ZNF214: variants seen among roughly 807,000 people sequenced by gnomAD.
The protein encoded by ZNF214 is BWSCR2-associated zinc finger protein 1.
ZNF214 carries 43 observed loss-of-function variants against 53.9 expected under a neutral mutation model. The ratio of observed to expected loss-of-function variants is 0.80; its 90% CI spans 0.63 to 1.03. The LOEUF is 1.03. Among genes scored for constraint, ZNF214 ranks in the 50% least tolerant of loss-of-function variants. The probability of loss-of-function intolerance (pLI) is 0.00; values close to 1 mark genes in which losing one functional copy is unlikely to be tolerated. For synonymous variants in ZNF214, 217 were observed against 229.5 expected, an observed-to-expected ratio of 0.95 and a Z score of 0.49; for missense variants, 724 against 719.1, an observed-to-expected ratio of 1.01 and a Z score of -0.08.
intron 1 of ZNF214, among the ~76,000 whole-genome samples, chr11:7,005,033 C>T (rs777517309): frequency 4.6e-5 from 7 of 151,904 alleles, no homozygotes; most frequent in Admixed American, 2.0e-4. Flanking sequence ...TATTAATGGA[C>T]GTTAAGATCA....
At chr11:7,011,351 C>A (rs1382910225) in intron 1 of ZNF214, among the ~76,000 whole-genome samples, 2 of 151,866 alleles carry the variant, frequency 1.3e-5, no homozygotes, top group African/African-American at 4.8e-5. Context: ...TATAGGAATG[C>A]AAGGATCGTT....
In ZNF214 at chr11:6,998,033, T is replaced by G. The variant is rs1851227476; in HGVS notation, c.*1829A>C. On this transcript the variant is annotated 3_prime_UTR_variant, in exon 3 of 3. Transcript: ENST00000278314. ...TGATTTCCACATTCACAAACTCTCT[T>G]TAAGGCACATATACGCTACACTGTT... is the stretch of plus-strand genomic sequence containing the variant. Among the ~76,000 whole-genome samples the G allele has an allele frequency of 6.6e-6, 1 of 151,952 alleles. No individual in the cohort carries two copies. The highest frequency in any genetic ancestry group is 1.5e-5 in the Non-Finnish European group (1 of 67,882).
intron 1 of ZNF214, among the ~76,000 whole-genome samples, chr11:7,006,830 T>C (rs1037220346): frequency 6.6e-6 from 1 of 152,056 alleles, no homozygotes; most frequent in East Asian, 1.9e-4. Flanking sequence ...TTCTATTATT[T>C]TAATAAGTAA....
chr11:7,002,715 A>T lies in ZNF214; in HGVS notation c.121T>A (p.Ser41Thr). 6.3e-7 allele frequency: 1 copy of T among 1,597,378 alleles called. No individual in the cohort carries two copies. Among genetic ancestry groups the T allele is most frequent in the Non-Finnish European group, 8.5e-7 (1 of 1,173,430 alleles). The change falls in exon 2 of 3, where the codon TCA becomes ACA. Residue 41 changes from serine to threonine, a missense_variant. Coordinates refer to ENST00000278314, the MANE Select transcript of ZNF214 (RefSeq NM_013249.4). ...TGAGACGGGATAACTTTACCTACTG[A>T]CATGACATTTGTGTAGTTCTCCCAC... ...VMWENYTNVM[S>T]VENWNESYKS...
chr11:7,011,776 ATAAAT>A (rs138046096), intron 1 of ZNF214, among the ~76,000 whole-genome samples: 5,134 of 152,186 alleles, frequency 0.034, 300 homozygotes, highest in African/African-American at 0.12. Flanking sequence ...ACAATAAACT[ATAAAT>A]TAAGAGAGTT....
chr11:7,001,663 G>C (rs1486473696), intron 2 of ZNF214, 108 bp from the exon 3 acceptor site: 1 of 1,308,592 alleles, frequency 7.6e-7, no homozygotes, highest in Non-Finnish European at 1.0e-6. Context: ...GTGTGGCTGG[G>C]GGTAGGAAAG....
intron 1 of ZNF214, among the ~76,000 whole-genome samples, chr11:7,003,755 C>A (rs1851413158): frequency 6.6e-6 from 1 of 151,886 alleles, no homozygotes; most frequent in Middle Eastern, 3.4e-3. Context: ...AAAAAATATG[C>A]CACCAAACTA....
At chr11:7,018,327 G>C (rs1851822940) in intron 1 of ZNF214, among the ~76,000 whole-genome samples, 1 of 152,066 alleles carries the variant, frequency 6.6e-6, no homozygotes, top group African/African-American at 2.4e-5. Flanking sequence ...AATTGTACCT[G>C]AGAGTAAATG....
Position 7,001,393 on chromosome 11 carries a change from T to C in ZNF214, c.290A>G (p.Gln97Arg). The part of the protein sequence containing the change: ...VQGTDSKDLT[Q>R]QDRSQCQEWL... ...TTCCTGACACTGGGAACGATCTTGCTGTGTGAGGTCTTTGGAATCTGTCCC... is the reference window on the plus strand; with the variant it reads ...TTCCTGACACTGGGAACGATCTTGCCGTGTGAGGTCTTTGGAATCTGTCCC... The change falls in exon 3 of 3, where the codon CAG becomes CGG. Residue 97 changes from glutamine (Q) to arginine (R), a missense_variant. Physicochemically the swap from Gln to Arg is conservative, Grantham distance 43 (BLOSUM62 1). Coordinates refer to ENST00000278314, the MANE Select transcript of ZNF214 (RefSeq NM_013249.4). 6.2e-7 allele frequency: 1 copy of C among 1,613,302 alleles called. No homozygotes were observed. The highest frequency in any genetic ancestry group is 8.5e-7 in the Non-Finnish European group (1 of 1,179,408).
intron 1 of ZNF214, among the ~76,000 whole-genome samples, chr11:7,015,017 C>T (rs1851726217): frequency 1.3e-5 from 2 of 150,846 alleles, no homozygotes; most frequent in African/African-American, 4.9e-5. Flanking sequence ...GGAAATACAT[C>T]ATAATAAAGT....
At chr11:7,016,006 T>C (rs1851755090) in intron 1 of ZNF214, 1 of 152,016 alleles carries the variant, frequency 6.6e-6, no homozygotes, top group Admixed American at 6.6e-5. Flanking sequence ...ATCAATGATG[T>C]TGGGACAAAT....
chr11:7,011,192 G>A (rs2133406327), intron 1 of ZNF214, among the ~76,000 whole-genome samples: 2 of 151,964 alleles, frequency 1.3e-5, no homozygotes, highest in Admixed American at 1.3e-4. Flanking sequence ...TATAATCTTG[G>A]ATTCCAAGAC....
At position 6,997,193 on chromosome 11, in the gene ZNF214, CTAA is replaced by C. The variant is rs1378150953; in HGVS notation, c.*2666_*2668del. ...CTGAATATTCCAAGAATTTAGAAAA[CTAA>C]TGATTTTGTATTTTTGCCCAACTTA... On this transcript the variant is annotated 3_prime_UTR_variant, in exon 3 of 3. Transcript: ENST00000278314. 6.6e-6 allele frequency among the ~76,000 whole-genome samples: 1 copy of C among 151,768 alleles called. No individual in the cohort carries two copies. The highest frequency in any genetic ancestry group is 1.5e-5 in the Non-Finnish European group (1 of 67,812).
At position 7,001,191 on chromosome 11, in the gene ZNF214, C is replaced by T; in HGVS notation, c.492G>A (p.Gly164=). Residue 164 remains glycine (G), a synonymous_variant, in exon 3 of 3, where the codon GGG becomes GGA. Coordinates refer to ENST00000278314, the MANE Select transcript of ZNF214 (RefSeq NM_013249.4). ...TGGATATGCCAAGACGGTATCTGCC[C>T]CCTTGAAAACCATGTGAACCACTCA... ...IYMSGSHGFQ[G]GRYRLGISRK... 6.2e-7 allele frequency: 1 copy of T among 1,613,186 alleles called. No homozygotes were observed. Among genetic ancestry groups the T allele is most frequent in the South Asian group, 1.1e-5 (1 of 91,034 alleles).
At chr11:7,008,877 A>C (rs1207556955) in intron 1 of ZNF214, among the ~76,000 whole-genome samples, 2 of 152,186 alleles carry the variant, frequency 1.3e-5, no homozygotes, top group Non-Finnish European at 2.9e-5. Flanking sequence ...ACTGCTAACC[A>C]GGGAGGTAAA....
At chr11:7,009,819 G>T (rs1384429766) in intron 1 of ZNF214, among the ~76,000 whole-genome samples, 1 of 152,040 alleles carries the variant, frequency 6.6e-6, no homozygotes, top group African/African-American at 2.4e-5. Context: ...TATAAAAAAT[G>T]CTCAACATCA....
At chr11:7,007,898 C>T (rs1197479316) in intron 1 of ZNF214, among the ~76,000 whole-genome samples, 1 of 151,836 alleles carries the variant, frequency 6.6e-6, no homozygotes, top group Non-Finnish European at 1.5e-5. Context: ...AAAGCATCAA[C>T]ATAATATAGA....
chr11:7,008,722 A>G (rs1851534192), intron 1 of ZNF214, among the ~76,000 whole-genome samples: 2 of 152,156 alleles, frequency 1.3e-5, no homozygotes, highest in South Asian at 2.1e-4. Context: ...TAGCTAATAA[A>G]CAACTTCAGG....
At chr11:7,003,455 T>C (rs1458715421) in intron 1 of ZNF214, among the ~76,000 whole-genome samples, 1 of 151,962 alleles carries the variant, frequency 6.6e-6, no homozygotes, top group African/African-American at 2.4e-5. Flanking sequence ...TTATTGAATG[T>C]TTATTGTATG....
Sources: gnomAD v4.1 joint callset for allele counts (sites outside exome capture counted in the v4.1 genomes callset) on GRCh38, gnomAD v4.1.1 for gene constraint, MANE v1.5 for transcripts, NCBI Gene and HGNC (gene_info 2026-07-23, HGNC 2026-07-21) for gene names.